USP15: variants seen among roughly 807,000 people sequenced by gnomAD.
USP15 encodes ubiquitin carboxyl-terminal hydrolase 15.
A neutral mutation model predicts 127.1 loss-of-function variants in USP15; 18 were observed. The ratio of observed to expected loss-of-function variants is 0.14; its 90% CI spans 0.10 to 0.21. The LOEUF (loss-of-function observed/expected upper bound fraction) is 0.21, where lower values mean the gene tolerates loss of function less well. Ranked by LOEUF, USP15 falls within the 10% of genes least tolerant of loss-of-function variation. The pLI is 1.00. For missense variants in USP15, 805 were observed against 1,159.9 expected (o/e 0.69, Z 4.44); for synonymous variants, 364 against 393.7 (o/e 0.92, Z 0.89).
intron 1 of USP15, among the ~76,000 whole-genome samples, chr12:62,284,754 T>C (rs1468024238): frequency 3.3e-5 from 5 of 152,162 alleles, no homozygotes; most frequent in African/African-American, 1.2e-4. Context: ...AAAATCATTG[T>C]GAACCAATGA....
intron 3 of USP15, chr12:62,314,156 T>G: frequency 6.0e-6 from 2 of 333,572 alleles, no homozygotes; most frequent in Non-Finnish European, 8.5e-6. Context: ...ACTAAGTGTG[T>G]AGTTAAAGGT....
At chr12:62,342,462 T>C (rs2065674770) in intron 6 of USP15, among the ~76,000 whole-genome samples, 1 of 151,890 alleles carries the variant, frequency 6.6e-6, no homozygotes, top group Admixed American at 6.6e-5. Flanking sequence ...TGGAGAGGAG[T>C]TGTGATCATT....
At chr12:62,396,470 T>C (rs2067493894) in intron 20 of USP15, 72 bp downstream of exon 20, 3 of 1,241,104 alleles carry the variant, frequency 2.4e-6, no homozygotes, top group Non-Finnish European at 3.5e-6. Flanking sequence ...CTTTAAGATA[T>C]TTATTACTTC....
Position 62,407,640 on chromosome 12 carries a change from T to C in USP15, c.*3265T>C, listed in dbSNP as rs1430799198. The C allele has an allele frequency of 1.3e-5, 2 of 152,176 alleles. No individual in the cohort carries two copies. The highest frequency in any genetic ancestry group is 4.8e-5 in the African/African-American group (2 of 41,450). The allele number at this position is 152,176 out of a possible 1,614,324, so 9.4% of individuals were successfully genotyped here. ...TGGTAAATACAATGTGACATTTTTT[T>C]CTTACCTTTTCATCTAACTTGTGTC... On this transcript the variant is annotated 3_prime_UTR_variant, in exon 22 of 22. Coordinates refer to ENST00000280377, the MANE Select transcript of USP15 (RefSeq NM_001252078.2).
At position 62,260,516 on chromosome 12, in the gene USP15, G is replaced by A. The variant is rs2063010444; in HGVS notation, c.89+13G>A. ...AAGGGGACACCTGGTAAGAGAAAGG[G>A]GTTGAGATGCCCGCGGTTGCCCGAG... On this transcript the variant is annotated intron_variant, in intron 1 of 21. Transcript: ENST00000280377. 6.5e-7 allele frequency: 1 copy of A among 1,550,310 alleles called. No individual in the cohort carries two copies. Among genetic ancestry groups the A allele is most frequent in the Non-Finnish European group, 8.7e-7 (1 of 1,146,508 alleles).
Position 62,408,916 on chromosome 12 carries a change from A to G in USP15, c.*4541A>G, listed in dbSNP as rs573011956. ...AAAAGAATTTCCAAATAGCTCAGAT[A>G]AGAAAACTTTGGTTTAAAATTGAGT... On this transcript the variant is annotated 3_prime_UTR_variant, in exon 22 of 22. Transcript: ENST00000280377. The G allele has an allele frequency of 6.6e-6, 1 of 152,264 alleles. No homozygotes were observed. Among genetic ancestry groups the G allele is most frequent in the Admixed American group, 6.5e-5 (1 of 15,268 alleles). 9.4% of individuals were successfully genotyped at this position (152,264 alleles called of 1,614,324 possible).
At chr12:62,393,463 C>T (rs2067384600) in intron 19 of USP15, 2 of 296,522 alleles carry the variant, frequency 6.7e-6, no homozygotes, top group Non-Finnish European at 1.2e-5. Context: ...GTTATATTAC[C>T]TATGGGTTAA....
At chr12:62,390,427 C>T (rs954536919) in intron 14 of USP15, among the ~76,000 whole-genome samples, 2 of 151,998 alleles carry the variant, frequency 1.3e-5, no homozygotes, top group Admixed American at 6.6e-5. Flanking sequence ...CTGAATAAAT[C>T]CCTTGATTTG....
At chr12:62,274,524 C>T (rs926927176) in intron 1 of USP15, among the ~76,000 whole-genome samples, 5 of 151,734 alleles carry the variant, frequency 3.3e-5, no homozygotes, top group Admixed American at 2.6e-4. Context: ...TGCTGTCTGT[C>T]GTCCCAGCTA....
intron 2 of USP15, among the ~76,000 whole-genome samples, chr12:62,299,995 A>G (rs2064258353): frequency 6.6e-6 from 1 of 152,062 alleles, no homozygotes; most frequent in Admixed American, 6.6e-5. Flanking sequence ...TATTTTTAAT[A>G]GAATTGTTTG....
chr12:62,327,222 T>C (rs1315239828), intron 6 of USP15, among the ~76,000 whole-genome samples: 2 of 151,952 alleles, frequency 1.3e-5, no homozygotes, highest in Non-Finnish European at 2.9e-5. Flanking sequence ...TGAAATTTTT[T>C]TTTCCCATTT....
At chr12:62,310,482 A>G (rs1253465405) in intron 3 of USP15, among the ~76,000 whole-genome samples, 1 of 151,774 alleles carries the variant, frequency 6.6e-6, no homozygotes, top group African/African-American at 2.4e-5. Flanking sequence ...AACAGATGAT[A>G]TTTGTCGTTT....
chr12:62,260,558 G>T, intron 1 of USP15, 55 bp downstream of exon 1: 1 of 1,490,824 alleles, frequency 6.7e-7, no homozygotes, highest in Non-Finnish European at 9.1e-7. Context: ...GGAGAAGTGG[G>T]CGGGAGCCGC....
chr12:62,328,996 A>G (rs1417125578), intron 6 of USP15, among the ~76,000 whole-genome samples: 1 of 152,246 alleles, frequency 6.6e-6, no homozygotes, highest in African/African-American at 2.4e-5. Context: ...CCTACTTTCA[A>G]CTTTATATGC....
chr12:62,324,013 T>A (rs966791167), intron 5 of USP15, among the ~76,000 whole-genome samples: 12 of 149,848 alleles, frequency 8.0e-5, no homozygotes, highest in African/African-American at 2.7e-4. Context: ...TTTTTTTTTT[T>A]AATACTTAGA....
chr12:62,402,265 C>T lies in USP15; in HGVS notation c.2763+990C>T, dbSNP rs148145154. 3.1e-3 allele frequency among the ~76,000 whole-genome samples: 471 copies of T among 152,028 alleles called. 4 individuals are homozygous for T. The highest frequency in any genetic ancestry group is 0.01 in the African/African-American group (428 of 41,500). ...ATATATATAGAGAGAGAGAGATACA[C>T]AAAAGACTCCATTCTAAACAGAGTT... On this transcript the variant is annotated intron_variant, in intron 21 of 21. Transcript: ENST00000280377.
chr12:62,358,493 T>A (rs949958763), intron 8 of USP15, among the ~76,000 whole-genome samples: 5 of 152,128 alleles, frequency 3.3e-5, no homozygotes, highest in Non-Finnish European at 5.9e-5. Context: ...GGCGAGTGGA[T>A]CACCTGAAGT....
intron 1 of USP15, among the ~76,000 whole-genome samples, chr12:62,288,832 G>A (rs542400249): frequency 5.9e-5 from 9 of 152,096 alleles, no homozygotes; most frequent in South Asian, 2.1e-4. Flanking sequence ...CTGTTTTTGC[G>A]TCTATTGAGA....
intron 1 of USP15, among the ~76,000 whole-genome samples, chr12:62,288,409 G>A (rs2063846485): frequency 7.1e-6 from 1 of 141,548 alleles, no homozygotes; most frequent in African/African-American, 2.6e-5. Context: ...TTCTCAGCTC[G>A]ATTGTTACTA....
Sources: gnomAD v4.1 joint callset for allele counts (sites outside exome capture counted in the v4.1 genomes callset) on GRCh38, gnomAD v4.1.1 for gene constraint, MANE v1.5 for transcripts, NCBI Gene and HGNC (gene_info 2026-07-23, HGNC 2026-07-21) for gene names.